SMPD3: variants seen among roughly 807,000 people sequenced by gnomAD.
The protein encoded by SMPD3 is sphingomyelin phosphodiesterase 3.
A neutral mutation model predicts 55.7 loss-of-function variants in SMPD3; 21 were observed. That is an observed-to-expected ratio of 0.38 (90% confidence interval 0.27 to 0.54). SMPD3 has a LOEUF of 0.54. Ranked by LOEUF, SMPD3 falls within the 20% of genes least tolerant of loss-of-function variation. The probability of loss-of-function intolerance (pLI) is 0.80; values close to 1 mark genes in which losing one functional copy is unlikely to be tolerated. For missense variants in SMPD3, 842 were observed against 899.6 expected (o/e 0.94, Z 0.82); for synonymous variants, 457 against 404.3 (o/e 1.13, Z -1.56).
chr16:68,365,340 G>A (rs191659275), intron 3 of SMPD3, among the ~76,000 whole-genome samples: 2 of 152,274 alleles, frequency 1.3e-5, no homozygotes, highest in African/African-American at 4.8e-5. Flanking sequence ...TCTGTGCAAA[G>A]CATGGGGGAA....
intron 3 of SMPD3, among the ~76,000 whole-genome samples, 166 bp from the exon 4 acceptor site, chr16:68,365,258 C>A (rs2089442559): frequency 6.6e-6 from 1 of 152,172 alleles, no homozygotes; most frequent in Non-Finnish European, 1.5e-5. Context: ...CTTCTAGGGA[C>A]TTACGGATCT....
chr16:68,388,983 A>G (rs2090086832), intron 1 of SMPD3, among the ~76,000 whole-genome samples: 1 of 152,090 alleles, frequency 6.6e-6, no homozygotes, highest in African/African-American at 2.4e-5. Flanking sequence ...ACCCATCTCA[A>G]TATACTCCCA....
chr16:68,441,014 T>C (rs2090561588), intron 1 of SMPD3, among the ~76,000 whole-genome samples: 1 of 152,258 alleles, frequency 6.6e-6, no homozygotes, highest in South Asian at 2.1e-4. Context: ...ACTTAGCAAG[T>C]GTTTTCAATC....
intron 1 of SMPD3, among the ~76,000 whole-genome samples, chr16:68,433,253 G>C (rs2090494514): frequency 6.6e-6 from 1 of 152,224 alleles, no homozygotes; most frequent in Non-Finnish European, 1.5e-5. Context: ...TACTGCATCT[G>C]ACTGTGGATA....
chr16:68,398,463 G>A (rs1352982197), intron 1 of SMPD3, among the ~76,000 whole-genome samples: 3 of 152,168 alleles, frequency 2.0e-5, no homozygotes, highest in Non-Finnish European at 4.4e-5. Context: ...GCCCCGAGGA[G>A]GATCCTGGCC....
intron 1 of SMPD3, among the ~76,000 whole-genome samples, chr16:68,431,032 A>G (rs2152029684): frequency 6.6e-6 from 1 of 152,274 alleles, no homozygotes; most frequent in East Asian, 1.9e-4. Flanking sequence ...GAATTCAGAT[A>G]TATTTCTTCA....
chr16:68,369,585 T>C (rs966698163), intron 3 of SMPD3: 6 of 152,388 alleles, frequency 3.9e-5, no homozygotes, highest in African/African-American at 1.4e-4. Context: ...TCACTCTAGC[T>C]GTCGAGACAA....
At chr16:68,433,918 G>A (rs1344798829) in intron 1 of SMPD3, among the ~76,000 whole-genome samples, 1 of 150,542 alleles carries the variant, frequency 6.6e-6, no homozygotes, top group Non-Finnish European at 1.5e-5. Flanking sequence ...TAAAGAACAC[G>A]GGAAGAAAAA....
Position 68,371,020 on chromosome 16 carries a change from C to A in SMPD3, c.1162G>T (p.Asp388Tyr). Residue 388 changes from aspartate to tyrosine, a missense_variant, in exon 3 of 9, where the codon GAC becomes TAC. Asp to Tyr is a radical substitution (Grantham distance 160, BLOSUM62 -3). Around this residue, in one of 2 missense-constraint regions of SMPD3, gnomAD observed 649 missense variants for 643.6 expected, o/e 1.01. Transcript: ENST00000219334. ...CCCTGGCAGCCGTAGACCCCGACGT[C>A]GTACAGGATGTACTCGAAGTAGCCG... Reference protein sequence around the residue: ...LHGYFEYILYDVGVYGCQGCC... With the variant: ...LHGYFEYILYYVGVYGCQGCC... 1 of 1,614,208 alleles carries A rather than the reference C, an allele frequency of 6.2e-7. No individual in the cohort carries two copies. The highest frequency in any genetic ancestry group is 8.5e-7 in the Non-Finnish European group (1 of 1,180,042).
At chr16:68,412,284 C>T (rs1237261133) in intron 1 of SMPD3, among the ~76,000 whole-genome samples, 1 of 152,202 alleles carries the variant, frequency 6.6e-6, no homozygotes, top group African/African-American at 2.4e-5. Flanking sequence ...ACACGCACTG[C>T]CATTCCTGGT....
intron 1 of SMPD3, among the ~76,000 whole-genome samples, chr16:68,399,054 G>A (rs1396756991): frequency 6.6e-6 from 1 of 152,240 alleles, no homozygotes; most frequent in Non-Finnish European, 1.5e-5. Flanking sequence ...CACTGAGCCT[G>A]TAGTTGTTGG....
At chr16:68,389,289 C>T (rs192364376) in intron 1 of SMPD3, among the ~76,000 whole-genome samples, 1 of 152,354 alleles carries the variant, frequency 6.6e-6, no homozygotes, top group Non-Finnish European at 1.5e-5. Context: ...TCCTGCCTGC[C>T]TGCCTGTCCA....
chr16:68,425,752 C>T (rs1031423805), intron 1 of SMPD3, among the ~76,000 whole-genome samples: 6 of 152,108 alleles, frequency 3.9e-5, no homozygotes, highest in African/African-American at 1.4e-4. Flanking sequence ...TATCCGGCCT[C>T]GGGCCAGCCC....
intron 1 of SMPD3, among the ~76,000 whole-genome samples, chr16:68,395,431 C>T (rs2090146977): frequency 6.6e-6 from 1 of 152,246 alleles, no homozygotes; most frequent in Non-Finnish European, 1.5e-5. Context: ...AGCTGTTTGT[C>T]TTGCAGAGTG....
At chr16:68,432,448 T>A (rs940904410) in intron 1 of SMPD3, among the ~76,000 whole-genome samples, 1 of 152,252 alleles carries the variant, frequency 6.6e-6, no homozygotes, top group African/African-American at 2.4e-5. Context: ...TTGATAAGAA[T>A]ATATGTTTAT....
At chr16:68,403,388 A>G (rs1484264274) in intron 1 of SMPD3, among the ~76,000 whole-genome samples, 1 of 152,208 alleles carries the variant, frequency 6.6e-6, no homozygotes, top group African/African-American at 2.4e-5. Flanking sequence ...CAAATTTGCT[A>G]CAGGTCAGAA....
At chr16:68,388,961 C>T (rs1009179043) in intron 1 of SMPD3, among the ~76,000 whole-genome samples, 6 of 152,286 alleles carry the variant, frequency 3.9e-5, no homozygotes, top group Admixed American at 2.0e-4. Context: ...TCAGAGCCTC[C>T]CTCTGCCAGC....
chr16:68,366,447 T>G (rs1792204378), intron 3 of SMPD3, among the ~76,000 whole-genome samples: 2 of 152,242 alleles, frequency 1.3e-5, no homozygotes. Flanking sequence ...CATTCACTTC[T>G]TGCCCACAGA....
chr16:68,430,910 G>GC (rs2152029604), intron 1 of SMPD3, among the ~76,000 whole-genome samples: 1 of 152,302 alleles, frequency 6.6e-6, no homozygotes, highest in Non-Finnish European at 1.5e-5. Context: ...GGATAGACAT[G>GC]CCCTATTGAA....
Sources: gnomAD v4.1 joint callset for allele counts (sites outside exome capture counted in the v4.1 genomes callset) on GRCh38, gnomAD v4.1.1 for gene constraint, gnomAD v4.1.1 regional missense constraint, MANE v1.5 for transcripts, NCBI Gene and HGNC (gene_info 2026-07-23, HGNC 2026-07-21) for gene names.